SBF2: variants seen among roughly 807,000 people sequenced by gnomAD.
SBF2 encodes SET binding factor 2.
In SBF2, 112 loss-of-function variants were observed where a neutral mutation model predicts 225.2. The ratio of observed to expected loss-of-function variants is 0.50; its 90% CI spans 0.43 to 0.58. The LOEUF (loss-of-function observed/expected upper bound fraction) is 0.58. Ranked by LOEUF, SBF2 falls within the 20% of genes least tolerant of loss-of-function variation. The pLI, the probability that SBF2 is intolerant of heterozygous loss-of-function variation, is 0.00. For synonymous variants in SBF2, 763 were observed against 773.3 expected (o/e 0.99, Z 0.22); for missense variants, 1,996 against 2,206.2 (o/e 0.90, Z 1.91).
chr11:9,932,449 A>C (rs1241148051), intron 16 of SBF2, among the ~76,000 whole-genome samples: 3 of 152,246 alleles, frequency 2.0e-5, no homozygotes, highest in African/African-American at 7.2e-5. Context: ...GAAACCCTAC[A>C]AGCCGGAAGA....
chr11:10,282,030 C>A (rs1963441929), intron 1 of SBF2, among the ~76,000 whole-genome samples: 1 of 152,152 alleles, frequency 6.6e-6, no homozygotes, highest in South Asian at 2.1e-4. Flanking sequence ...TGACTTGGGG[C>A]ATGTATTCAT....
At chr11:10,082,938 A>C (rs1951425733) in intron 2 of SBF2, among the ~76,000 whole-genome samples, 1 of 152,072 alleles carries the variant, frequency 6.6e-6, no homozygotes, top group African/African-American at 2.4e-5. Context: ...AAAAGAATTC[A>C]AATGATCTCT....
chr11:9,984,264 A>G (rs974347562), intron 13 of SBF2, among the ~76,000 whole-genome samples: 33 of 152,184 alleles, frequency 2.2e-4, no homozygotes, highest in African/African-American at 7.7e-4. Flanking sequence ...CTTTGGACAC[A>G]CTTTTAGAAA....
At chr11:9,984,819 C>G (rs563450752) in intron 13 of SBF2, among the ~76,000 whole-genome samples, 4 of 152,248 alleles carry the variant, frequency 2.6e-5, no homozygotes, top group African/African-American at 9.6e-5. Flanking sequence ...AATTTTGTAT[C>G]CAGTGAAACT....
intron 32 of SBF2, among the ~76,000 whole-genome samples, chr11:9,806,830 G>A (rs143306117): frequency 2.0e-3 from 311 of 152,252 alleles, no homozygotes; most frequent in African/African-American, 7.0e-3. Flanking sequence ...TGTGGTAATT[G>A]TTACAAAACT....
chr11:10,220,353 G>C (rs559976540), intron 1 of SBF2, among the ~76,000 whole-genome samples: 65 of 152,244 alleles, frequency 4.3e-4, no homozygotes, highest in African/African-American at 1.5e-3. Flanking sequence ...CGAGAATTAT[G>C]AGAGCTACAA....
At chr11:9,925,337 G>GCGT (rs1863949102) in intron 16 of SBF2, among the ~76,000 whole-genome samples, 1 of 152,032 alleles carries the variant, frequency 6.6e-6, no homozygotes, top group Non-Finnish European at 1.5e-5. Context: ...GTGCAATGGT[G>GCGT]CGTGATCTTG....
At chr11:10,163,863 G>C (rs1955848690) in intron 2 of SBF2, among the ~76,000 whole-genome samples, 1 of 152,110 alleles carries the variant, frequency 6.6e-6, no homozygotes, top group Non-Finnish European at 1.5e-5. Context: ...TTACCAAGTG[G>C]AGAAGCCAGA....
chr11:9,820,993 C>G (rs1854719520), intron 28 of SBF2, among the ~76,000 whole-genome samples: 1 of 152,092 alleles, frequency 6.6e-6, no homozygotes, highest in Non-Finnish European at 1.5e-5. Context: ...CTCCTTTTTT[C>G]TTGCAACATG....
At chr11:9,845,774 A>C in intron 23 of SBF2, 34 bp from the exon 24 acceptor site, 1 of 1,605,748 alleles carries the variant, frequency 6.2e-7, no homozygotes, top group Non-Finnish European at 8.5e-7. Flanking sequence ...CAAAAGAAGC[A>C]TTAAGGATTT....
rs546252913 is a variant in SBF2 at position 10,081,221 on chromosome 11, G to C, written c.142-38240C>G. ...TAAAAAAATCTCAAAATCATACCAA[G>C]TATCTTCTTGGACCACAGTGGAATA... On this transcript the variant is annotated intron_variant, in intron 2 of 39. Coordinates refer to ENST00000256190, the MANE Select transcript of SBF2 (RefSeq NM_030962.4). Among the ~76,000 whole-genome samples, 7 of 152,208 alleles carry C rather than the reference G, an allele frequency of 4.6e-5. No individual in the cohort carries two copies. In the East Asian group the frequency reaches 1.3e-3, roughly 29 times the overall value.
At chr11:9,891,338 C>T (rs547563498) in intron 17 of SBF2, among the ~76,000 whole-genome samples, 3 of 152,256 alleles carry the variant, frequency 2.0e-5, no homozygotes, top group African/African-American at 7.2e-5. Context: ...TCTCAGTATA[C>T]ACTCTGGCTC....
chr11:9,896,635 T>C (rs1425998789), intron 16 of SBF2, among the ~76,000 whole-genome samples: 1 of 151,820 alleles, frequency 6.6e-6, no homozygotes, highest in Non-Finnish European at 1.5e-5. Flanking sequence ...CTACTAAAAA[T>C]ACAAAAAGCC....
At chr11:10,097,999 A>C (rs1388293835) in intron 2 of SBF2, among the ~76,000 whole-genome samples, 1 of 152,068 alleles carries the variant, frequency 6.6e-6, no homozygotes, top group Non-Finnish European at 1.5e-5. Flanking sequence ...AGAACGCAAC[A>C]AAGCACCATG....
Position 9,906,576 on chromosome 11 carries a change from C to T in SBF2, c.1861-10565G>A, listed in dbSNP as rs140271634. On this transcript the variant is annotated intron_variant, in intron 16 of 39. Coordinates refer to ENST00000256190, the MANE Select transcript of SBF2 (RefSeq NM_030962.4). ...TAAATAAAAAATTCTTTGCAAATCA[C>T]GTTAGAGACATTCTAAGTTAATTAG... is the stretch of plus-strand genomic sequence containing the variant. Among the ~76,000 whole-genome samples the T allele has an allele frequency of 3.9e-5, 6 of 152,220 alleles. No individual in the cohort carries two copies. In the East Asian group the frequency reaches 1.2e-3, roughly 29 times the overall value.
At chr11:10,005,486 C>G (rs1198628878) in intron 6 of SBF2, among the ~76,000 whole-genome samples, 1 of 152,114 alleles carries the variant, frequency 6.6e-6, no homozygotes, top group Admixed American at 6.5e-5. Context: ...CTGCTTGGCC[C>G]TCTTCCAAGT....
At chr11:9,917,327 TTTTTTG>T (rs1304811218) in intron 16 of SBF2, among the ~76,000 whole-genome samples, 1 of 151,562 alleles carries the variant, frequency 6.6e-6, no homozygotes, top group African/African-American at 2.4e-5. Flanking sequence ...CATTACAAGT[TTTTTTG>T]TTTTTGTTTT....
chr11:9,925,541 G>T (rs541610558), intron 16 of SBF2, among the ~76,000 whole-genome samples: 1 of 152,176 alleles, frequency 6.6e-6, no homozygotes, highest in Admixed American at 6.5e-5. Flanking sequence ...CTCCCAAAGC[G>T]CTGGGATTAT....
At chr11:9,881,445 C>T (rs887838539) in intron 17 of SBF2, among the ~76,000 whole-genome samples, 2 of 151,956 alleles carry the variant, frequency 1.3e-5, no homozygotes, top group African/African-American at 2.4e-5. Context: ...AATTGTTACA[C>T]GCATCTCATC....
Sources: allele counts gnomAD v4.1 joint callset (sites outside exome capture counted in the v4.1 genomes callset), GRCh38; gene constraint gnomAD v4.1.1; transcripts MANE v1.5; gene names NCBI Gene and HGNC (gene_info 2026-07-23, HGNC 2026-07-21).